The following NCALD variants were observed in gnomAD, a reference collection of about 807,000 sequenced individuals.
NCALD encodes the protein neurocalcin-delta.
In NCALD, 10 loss-of-function variants were observed where a neutral mutation model predicts 18.6. That is an observed-to-expected ratio of 0.54 (90% CI 0.33 to 0.91). The LOEUF (loss-of-function observed/expected upper bound fraction) is 0.91. Among genes scored for constraint, NCALD ranks in the 40% least tolerant of loss-of-function variants. The pLI, the probability that NCALD is intolerant of heterozygous loss-of-function variation, is 0.03. For synonymous variants in NCALD, 88 were observed against 87.4 expected (o/e 1.01, Z -0.04); for missense variants, 184 against 247.6 (o/e 0.74, Z 1.72).
chr8:102,077,893 C>G (rs916714218), intron 1 of NCALD, among the ~76,000 whole-genome samples: 14 of 152,184 alleles, frequency 9.2e-5, no homozygotes, highest in South Asian at 6.2e-4. Flanking sequence ...CTCCTCTGCT[C>G]TATACACATT....
At chr8:101,831,060 T>C (rs1287514834) in intron 4 of NCALD, among the ~76,000 whole-genome samples, 4 of 152,174 alleles carry the variant, frequency 2.6e-5, no homozygotes, top group Admixed American at 6.5e-5. Flanking sequence ...TGTGGGGCTG[T>C]CTGACATAAA....
At chr8:102,093,163 C>CAA (rs556834019) in intron 1 of NCALD, among the ~76,000 whole-genome samples, 3 of 138,060 alleles carry the variant, frequency 2.2e-5, no homozygotes, top group Non-Finnish European at 3.2e-5. Flanking sequence ...TGTCTCCAAA[C>CAA]AAAAAAAAAA....
chr8:101,765,804 A>C (rs1423022476), intron 1 of NCALD, among the ~76,000 whole-genome samples: 3 of 152,228 alleles, frequency 2.0e-5, no homozygotes. Context: ...AGCTGAAATG[A>C]AGATTAAGAG....
In NCALD at chr8:101,687,207, A is replaced by G. The variant is rs1361756777; in HGVS notation, c.*2102T>C. 1 of 152,596 alleles carries G rather than the reference A, an allele frequency of 6.6e-6. No homozygotes were observed. The highest frequency in any genetic ancestry group is 1.5e-5 in the Non-Finnish European group (1 of 68,068). The allele number at this position is 152,596 out of a possible 1,614,324, so 9.5% of individuals were successfully genotyped here. On this transcript the variant is annotated 3_prime_UTR_variant, in exon 4 of 4. Coordinates refer to ENST00000220931, the MANE Select transcript of NCALD (RefSeq NM_032041.3). ...AGAGCCCAGGCAGGTTTCTCAAAAC[A>G]TTAACTGATTCCACCTACCAAAGGA...
chr8:101,892,988 A>G lies in NCALD; in HGVS notation c.-106-5761T>C, dbSNP rs373795751. On this transcript the variant is annotated intron_variant, in intron 3 of 6. Coordinates refer to the NCALD transcript ENST00000311028. ...CCCCAATCTAGCAAGGCAGGCCAACATTCAGATTCAGGAAATACAGAGAAC... is the reference window on the plus strand; with the variant it reads ...CCCCAATCTAGCAAGGCAGGCCAACGTTCAGATTCAGGAAATACAGAGAAC... 4.2e-3 allele frequency among the ~76,000 whole-genome samples: 586 copies of G among 140,858 alleles called. 1 individual carries two copies. Among genetic ancestry groups the G allele is most frequent in the African/African-American group, 0.01 (343 of 33,652 alleles). The allele number at this position is 140,858 out of a possible 152,430, so 92.4% of individuals were successfully genotyped here. A position where few individuals can be genotyped will look rare whatever the true frequency, so the allele number is the denominator to read the frequency against.
chr8:102,047,801 A>G (rs1045305632), intron 1 of NCALD, among the ~76,000 whole-genome samples: 15 of 152,206 alleles, frequency 9.9e-5, no homozygotes, highest in Non-Finnish European at 2.9e-5. Flanking sequence ...TCTGTAATAC[A>G]GGACCCCTCC....
rs1812421319 is a variant in NCALD, at chr8:101,790,922, T to G, written c.-80A>C. 6.6e-6 allele frequency: 1 copy of G among 152,406 alleles called. No homozygotes were observed. The allele number at this position is 152,406 out of a possible 1,614,324, so 9.4% of individuals were successfully genotyped here. ...GCTCTGCAGCCCCTGGAAACAGCAGTAGCAGCAGCAGCAAGGTCCAGCATC... is the reference window on the plus strand; with the variant it reads ...GCTCTGCAGCCCCTGGAAACAGCAGGAGCAGCAGCAGCAAGGTCCAGCATC... On this transcript the variant is annotated 5_prime_UTR_variant, in exon 1 of 4. Coordinates refer to ENST00000220931, the MANE Select transcript of NCALD (RefSeq NM_032041.3).
chr8:101,757,417 C>T (rs1270887445), intron 1 of NCALD, among the ~76,000 whole-genome samples: 1 of 152,164 alleles, frequency 6.6e-6, no homozygotes, highest in Non-Finnish European at 1.5e-5. Context: ...AGAGCATGTC[C>T]TGACCTCTGA....
chr8:101,721,548 G>T (rs961672070), intron 1 of NCALD, among the ~76,000 whole-genome samples: 3 of 152,206 alleles, frequency 2.0e-5, no homozygotes, highest in African/African-American at 7.2e-5. Flanking sequence ...TAAGACTTGA[G>T]CTTAGGATCT....
intron 2 of NCALD, among the ~76,000 whole-genome samples, chr8:102,000,632 G>A (rs1821419390): frequency 6.6e-6 from 1 of 152,194 alleles, no homozygotes; most frequent in Admixed American, 6.5e-5. Context: ...CCCCCAGTAG[G>A]AGCAGACTGA....
At chr8:101,775,792 G>A (rs1342010182) in intron 1 of NCALD, among the ~76,000 whole-genome samples, 1 of 152,172 alleles carries the variant, frequency 6.6e-6, no homozygotes, top group East Asian at 1.9e-4. Context: ...ATCAAGGGCT[G>A]CTGAGAACGT....
chr8:101,856,082 T>C (rs1031157637), intron 4 of NCALD, among the ~76,000 whole-genome samples: 2 of 152,160 alleles, frequency 1.3e-5, no homozygotes, highest in Admixed American at 6.5e-5. Context: ...GAGGAAAAGA[T>C]GAAGAATGGG....
intron 4 of NCALD, among the ~76,000 whole-genome samples, chr8:101,859,762 G>A (rs1815464948): frequency 6.6e-6 from 1 of 152,132 alleles, no homozygotes; most frequent in Admixed American, 6.5e-5. Flanking sequence ...AGATGTCCTT[G>A]TTCTATTATG....
intron 4 of NCALD, among the ~76,000 whole-genome samples, chr8:101,850,301 A>C (rs1815039744): frequency 6.6e-6 from 1 of 152,214 alleles, no homozygotes; most frequent in South Asian, 2.1e-4. Flanking sequence ...GGCAATTCCA[A>C]GACACCATCT....
rs77722307 is a variant in NCALD at position 101,929,030 on chromosome 8, C to T, written c.-156-13172G>A. On this transcript the variant is annotated intron_variant, in intron 2 of 6. Coordinates refer to the NCALD transcript ENST00000311028. ...TCCAGAAGGCCTTCCAAGTGGGCAG[C>T]TCAGAACTCAGGACACACTCTTTTG... Among the ~76,000 whole-genome samples the T allele has an allele frequency of 6.3e-3, 952 of 151,624 alleles. 10 individuals are homozygous for T. Among genetic ancestry groups the T allele is most frequent in the African/African-American group, 0.022 (913 of 41,322 alleles).
At chr8:102,025,053 T>G (rs1250739692) in intron 1 of NCALD, among the ~76,000 whole-genome samples, 1 of 152,218 alleles carries the variant, frequency 6.6e-6, no homozygotes, top group Non-Finnish European at 1.5e-5. Context: ...CCTTGGGCCC[T>G]GTATGACCTG....
At chr8:101,998,951 A>G (rs904950079) in intron 2 of NCALD, among the ~76,000 whole-genome samples, 1 of 152,026 alleles carries the variant, frequency 6.6e-6, no homozygotes, top group African/African-American at 2.4e-5. Context: ...TAGCAAACTT[A>G]GTGTATTTAA....
chr8:101,763,966 CCACACACACACACA>C (rs754411989), intron 1 of NCALD, among the ~76,000 whole-genome samples: 9 of 85,298 alleles, frequency 1.1e-4, no homozygotes, highest in African/African-American at 3.5e-4. Flanking sequence ...CTCTCTCTCT[CCACACACACACACA>C]CACACACACA....
chr8:101,707,086 G>T (rs1026497239), intron 2 of NCALD, among the ~76,000 whole-genome samples: 5 of 152,102 alleles, frequency 3.3e-5, no homozygotes, highest in Admixed American at 1.3e-4. Flanking sequence ...ATTCCCAGGG[G>T]GTAATGTAAG....
Sources: allele counts gnomAD v4.1 joint callset (sites outside exome capture counted in the v4.1 genomes callset), GRCh38; gene constraint gnomAD v4.1.1; transcripts MANE v1.5; gene names NCBI Gene and HGNC (gene_info 2026-07-23, HGNC 2026-07-21).